Variants in CAMK4 observed in about 807,000 individuals in gnomAD.
CAMK4 encodes the protein calcium/calmodulin dependent protein kinase IV, also known as calcium/calmodulin-dependent protein kinase type IV.
CAMK4 carries 22 observed loss-of-function variants against 44.9 expected under a neutral mutation model. That is an observed-to-expected ratio of 0.49 (90% confidence interval 0.35 to 0.70). The LOEUF is 0.70. Ranked by LOEUF, CAMK4 falls within the 30% of genes least tolerant of loss-of-function variation. The pLI, the probability that CAMK4 is intolerant of heterozygous loss-of-function variation, is 0.01. For missense variants in CAMK4, 498 were observed against 586.8 expected, an observed-to-expected ratio of 0.85 and a Z score of 1.56; for synonymous variants, 218 against 215.4, an observed-to-expected ratio of 1.01 and a Z score of -0.11.
At chr5:111,424,748 C>T (rs950733800) in intron 5 of CAMK4, among the ~76,000 whole-genome samples, 4 of 152,004 alleles carry the variant, frequency 2.6e-5, no homozygotes, top group African/African-American at 7.2e-5. Flanking sequence ...CGTCCAGCCA[C>T]ATCTTCTATT....
intron 5 of CAMK4, among the ~76,000 whole-genome samples, chr5:111,425,088 A>C (rs1429364433): frequency 6.6e-6 from 1 of 151,398 alleles, no homozygotes; most frequent in East Asian, 2.0e-4. Context: ...GCTTGAATTC[A>C]GGAGGTGGAG....
At position 111,317,446 on chromosome 5, in the gene CAMK4, T is replaced by C. The variant is rs144612146; in HGVS notation, c.162-26578T>C. On this transcript the variant is annotated intron_variant, in intron 1 of 10. Transcript: ENST00000282356. ...TGAGTTTTCTTAGGGCAATAAGCAA[T>C]ACTCATTCGTTCAAGCTTAGCCTGT... Among the ~76,000 whole-genome samples the C allele has an allele frequency of 1.0e-3, 152 of 152,286 alleles. 3 individuals carry two copies. In the East Asian group the frequency reaches 0.02, roughly 20 times the overall value.
intron 4 of CAMK4, among the ~76,000 whole-genome samples, chr5:111,379,502 A>G (rs1561450899): frequency 6.6e-6 from 1 of 152,148 alleles, no homozygotes; most frequent in Non-Finnish European, 1.5e-5. Context: ...GTGGTCTACA[A>G]CATTGACCTA....
At chr5:111,329,369 T>C (rs1273514744) in intron 1 of CAMK4, among the ~76,000 whole-genome samples, 3 of 151,878 alleles carry the variant, frequency 2.0e-5, no homozygotes, top group Non-Finnish European at 4.4e-5. Context: ...TGTTGGAAGT[T>C]CTGGCCAGGG....
intron 5 of CAMK4, among the ~76,000 whole-genome samples, chr5:111,415,588 T>C (rs1205722225): frequency 2.0e-5 from 3 of 152,216 alleles, no homozygotes; most frequent in Non-Finnish European, 4.4e-5. Context: ...ATAGCATATA[T>C]AGGTTTCAGT....
intron 8 of CAMK4, among the ~76,000 whole-genome samples, chr5:111,477,163 C>T (rs1285271066): frequency 5.9e-5 from 9 of 152,222 alleles, no homozygotes; most frequent in African/African-American, 1.4e-4. Context: ...GGGTCAGGAG[C>T]GGGATTCTCT....
intron 5 of CAMK4, among the ~76,000 whole-genome samples, chr5:111,400,023 C>T (rs1197580241): frequency 6.6e-6 from 1 of 152,116 alleles, no homozygotes; most frequent in African/African-American, 2.4e-5. Flanking sequence ...TAGGGGTGCC[C>T]CACATAACAC....
chr5:111,236,545 C>T (rs1002190694), intron 1 of CAMK4, among the ~76,000 whole-genome samples: 61 of 152,266 alleles, frequency 4.0e-4, no homozygotes, highest in African/African-American at 1.4e-3. Context: ...GACTTCAGCA[C>T]TCATGCTCTT....
rs115352223 is a variant in CAMK4, at chr5:111,424,375, G to A, written c.460-22311G>A. 6.3e-3 allele frequency among the ~76,000 whole-genome samples: 926 copies of A among 146,592 alleles called. 9 individuals carry two copies. The highest frequency in any genetic ancestry group is 0.022 in the African/African-American group (882 of 39,822). ...GTGAAAGAGAATCACATTACATGCT[G>A]TAATTTGTAAAATTAAATGTCTCCA... On this transcript the variant is annotated intron_variant, in intron 5 of 10. Coordinates refer to ENST00000282356, the MANE Select transcript of CAMK4 (RefSeq NM_001744.6).
intron 5 of CAMK4, among the ~76,000 whole-genome samples, chr5:111,403,862 T>C (rs1752320875): frequency 6.6e-6 from 1 of 152,182 alleles, no homozygotes; most frequent in Non-Finnish European, 1.5e-5. Context: ...TACATGGACT[T>C]CCCTCTTTTG....
chr5:111,451,069 AT>A (rs1413429508), intron 7 of CAMK4, among the ~76,000 whole-genome samples: 3 of 152,170 alleles, frequency 2.0e-5, no homozygotes, highest in African/African-American at 7.2e-5. Context: ...ATGTGATTAA[AT>A]CCATAGAATT....
chr5:111,459,336 A>G (rs1213867343), intron 7 of CAMK4, among the ~76,000 whole-genome samples: 1 of 152,218 alleles, frequency 6.6e-6, no homozygotes, highest in East Asian at 1.9e-4. Context: ...TCTAACAACT[A>G]AAGCTGTCGG....
In CAMK4 at chr5:111,247,538, A is replaced by G. The variant is rs1184672414; in HGVS notation, c.161+22894A>G. Among the ~76,000 whole-genome samples the G allele has an allele frequency of 2.0e-5, 3 of 150,960 alleles. No individual in the cohort carries two copies. The East Asian group carries it at 5.8e-4, about 29-fold the overall frequency. ...TTATTTTATTTATAAATAAATGAAT[A>G]TATTTATTTTTTTCAAGGAATTGGG... On this transcript the variant is annotated intron_variant, in intron 1 of 10. Transcript: ENST00000282356.
intron 1 of CAMK4, among the ~76,000 whole-genome samples, chr5:111,269,108 C>G (rs1436843183): frequency 6.6e-6 from 1 of 152,092 alleles, no homozygotes; most frequent in Non-Finnish European, 1.5e-5. Context: ...GGAAGAAATG[C>G]TTTTATAGTT....
chr5:111,437,475 C>T (rs7736139), intron 5 of CAMK4, among the ~76,000 whole-genome samples: 121,172 of 152,134 alleles, frequency 0.8, 48,775 homozygotes, highest in African/African-American at 0.91. Context: ...TTCTTTGTCT[C>T]TATGGAGTTC....
chr5:111,245,967 A>C (rs535237512), intron 1 of CAMK4, among the ~76,000 whole-genome samples: 4 of 152,298 alleles, frequency 2.6e-5, no homozygotes, highest in African/African-American at 9.6e-5. Flanking sequence ...CATTGATGTT[A>C]ACATTATTTT....
At chr5:111,245,334 A>G (rs1474749303) in intron 1 of CAMK4, among the ~76,000 whole-genome samples, 1 of 152,216 alleles carries the variant, frequency 6.6e-6, no homozygotes, top group Non-Finnish European at 1.5e-5. Context: ...AAGTTTCTTT[A>G]ACTGATAAGA....
chr5:111,456,384 G>C (rs40993), intron 7 of CAMK4, among the ~76,000 whole-genome samples: 102,626 of 151,672 alleles, frequency 0.68, 36,744 homozygotes, highest in Non-Finnish European at 0.8. Context: ...CCAGCTACTC[G>C]GGAGGCTGAG....
At chr5:111,456,559 C>CT (rs1276345412) in intron 7 of CAMK4, among the ~76,000 whole-genome samples, 1 of 151,676 alleles carries the variant, frequency 6.6e-6, no homozygotes, top group Non-Finnish European at 1.5e-5. Context: ...TGGTTCTAAA[C>CT]TTTATTGTTT....
Sources: allele counts gnomAD v4.1 joint callset (sites outside exome capture counted in the v4.1 genomes callset), GRCh38; gene constraint gnomAD v4.1.1; transcripts MANE v1.5; gene names NCBI Gene and HGNC (gene_info 2026-07-23, HGNC 2026-07-21).